Variants in PCDHAC1 observed in about 807,000 individuals in gnomAD.
PCDHAC1 encodes protocadherin alpha-C1.
A neutral mutation model predicts 60.0 loss-of-function variants in PCDHAC1; 42 were observed. That is an observed-to-expected ratio of 0.70 (90% CI 0.55 to 0.90). The LOEUF (loss-of-function observed/expected upper bound fraction) is 0.90. Ranked by LOEUF, PCDHAC1 falls within the 40% of genes least tolerant of loss-of-function variation. The pLI, the probability that PCDHAC1 is intolerant of heterozygous loss-of-function variation, is 0.00. For synonymous variants in PCDHAC1, 468 were observed against 499.3 expected, an observed-to-expected ratio of 0.94 and a Z score of 0.84; for missense variants, 1,160 against 1,222.3, an observed-to-expected ratio of 0.95 and a Z score of 0.76.
chr5:140,995,184 T>G (rs1382886542), intron 3 of PCDHAC1, among the ~76,000 whole-genome samples: 3 of 152,168 alleles, frequency 2.0e-5, no homozygotes, highest in African/African-American at 7.2e-5. Flanking sequence ...GCACCTATGA[T>G]AAAGTTTAAT....
At chr5:140,991,919 A>T (rs185947527) in intron 3 of PCDHAC1, among the ~76,000 whole-genome samples, 96 of 152,274 alleles carry the variant, frequency 6.3e-4, no homozygotes, top group Admixed American at 1.2e-3. Flanking sequence ...GCCATGTAAC[A>T]TAACATATTC....
intron 1 of PCDHAC1, among the ~76,000 whole-genome samples, chr5:140,956,900 A>C (rs1004581720): frequency 6.6e-6 from 1 of 152,240 alleles, no homozygotes; most frequent in East Asian, 1.9e-4. Context: ...GAATATTCTT[A>C]AATGTATAAA....
chr5:141,002,673 C>T (rs2098090242), intron 3 of PCDHAC1, among the ~76,000 whole-genome samples: 3 of 152,180 alleles, frequency 2.0e-5, no homozygotes, highest in Admixed American at 2.0e-4. Context: ...GGACCAAAAC[C>T]TATACGACGT....
intron 3 of PCDHAC1, among the ~76,000 whole-genome samples, chr5:140,985,544 G>T (rs1426303468): frequency 6.6e-6 from 1 of 152,108 alleles, no homozygotes; most frequent in Non-Finnish European, 1.5e-5. Flanking sequence ...TGAAGATGCA[G>T]TTGCTTCCAA....
chr5:140,977,032 A>G (rs1488885995), intron 1 of PCDHAC1, among the ~76,000 whole-genome samples: 3 of 152,212 alleles, frequency 2.0e-5, no homozygotes, highest in African/African-American at 7.2e-5. Flanking sequence ...TGAATCTAAG[A>G]AGGATGTTGT....
intron 3 of PCDHAC1, among the ~76,000 whole-genome samples, chr5:141,007,707 C>T (rs1027610738): frequency 6.6e-6 from 1 of 152,172 alleles, no homozygotes; most frequent in Non-Finnish European, 1.5e-5. Context: ...CCTCTGCCTC[C>T]CACCACCAGG....
intron 3 of PCDHAC1, among the ~76,000 whole-genome samples, chr5:140,995,648 G>A (rs548703031): frequency 1.3e-5 from 2 of 152,248 alleles, no homozygotes; most frequent in South Asian, 2.1e-4. Flanking sequence ...TAGAAAAGGA[G>A]AATCGAAAAG....
At chr5:140,969,450 G>A (rs1554231822) in intron 1 of PCDHAC1, 4 of 1,511,552 alleles carry the variant, frequency 2.6e-6, no homozygotes, top group Non-Finnish European at 3.6e-6. Flanking sequence ...GGTAAACTGA[G>A]TATATATAGT....
intron 1 of PCDHAC1, among the ~76,000 whole-genome samples, chr5:140,959,421 TTTG>T (rs1393541693): frequency 6.6e-6 from 1 of 152,102 alleles, no homozygotes; most frequent in East Asian, 1.9e-4. Flanking sequence ...GATCTGAGAA[TTTG>T]TGTATTTTTT....
At chr5:140,989,174 G>T (rs1305141291) in intron 3 of PCDHAC1, among the ~76,000 whole-genome samples, 3 of 152,132 alleles carry the variant, frequency 2.0e-5, no homozygotes, top group Non-Finnish European at 4.4e-5. Flanking sequence ...TAAAACAGGA[G>T]AGTTTCTGAA....
At position 141,011,042 on chromosome 5, in the gene PCDHAC1, T is replaced by G. The variant is rs915588789; in HGVS notation, c.*1105T>G. 6.5e-6 allele frequency: 1 copy of G among 153,796 alleles called. No individual in the cohort carries two copies. The highest frequency in any genetic ancestry group is 2.4e-5 in the African/African-American group (1 of 41,464). The allele number at this position is 153,796 out of a possible 1,614,324, so 9.5% of individuals were successfully genotyped here. A position where few individuals can be genotyped will look rare whatever the true frequency, so the allele number is the denominator to read the frequency against. On this transcript the variant is annotated 3_prime_UTR_variant, in exon 4 of 4. Transcript: ENST00000253807. ...TCACAGCTTTACTCTTTCAGGTCACTCTGGGGCTGCCTCTTGCATGTATTA... is the reference window on the plus strand; with the variant it reads ...TCACAGCTTTACTCTTTCAGGTCACGCTGGGGCTGCCTCTTGCATGTATTA...
intron 1 of PCDHAC1, among the ~76,000 whole-genome samples, chr5:140,951,667 C>T (rs180768474): frequency 6.6e-6 from 1 of 152,156 alleles, no homozygotes; most frequent in African/African-American, 2.4e-5. Context: ...GGCCTGCCTA[C>T]AAAATTGGGG....
chr5:140,951,046 TA>T (rs1414168325), intron 1 of PCDHAC1, among the ~76,000 whole-genome samples: 1 of 152,138 alleles, frequency 6.6e-6, no homozygotes, highest in Non-Finnish European at 1.5e-5. Context: ...ATTATATTTT[TA>T]TTGCTAAAAT....
intron 1 of PCDHAC1, among the ~76,000 whole-genome samples, chr5:140,941,983 A>G (rs2093212614): frequency 6.6e-6 from 1 of 152,198 alleles, no homozygotes; most frequent in Non-Finnish European, 1.5e-5. Context: ...CTAAACCTTG[A>G]TAAGGGATTC....
chr5:140,969,630 A>G (rs1185557414), intron 1 of PCDHAC1: 1 of 654,766 alleles, frequency 1.5e-6, no homozygotes, highest in Non-Finnish European at 2.5e-6. Flanking sequence ...GAAACAGGAC[A>G]GGCCTTGGAA....
In PCDHAC1 at chr5:140,968,167, A is replaced by G. The variant is rs782252124; in HGVS notation, c.2434-10782A>G. 1.3e-4 allele frequency: 217 copies of G among 1,613,958 alleles called. 1 individual carries two copies. The highest frequency in any genetic ancestry group is 9.3e-6 in the Non-Finnish European group (11 of 1,180,038). On this transcript the variant is annotated intron_variant, in intron 1 of 3. Transcript: ENST00000253807. ...TCTCTGACATCAATGACAATCCACC[A>G]AGCTTCCTGGAGGACTCCTATTCCA...
At chr5:141,004,679 TG>T in intron 3 of PCDHAC1, among the ~76,000 whole-genome samples, 1 of 152,160 alleles carries the variant, frequency 6.6e-6, no homozygotes, top group South Asian at 2.1e-4. Context: ...GACTGTGGAG[TG>T]GTGCTGAAAC....
intron 3 of PCDHAC1, among the ~76,000 whole-genome samples, chr5:140,985,740 T>C (rs992695405): frequency 1.9e-5 from 1 of 53,688 alleles, no homozygotes; most frequent in Admixed American, 1.9e-4. Context: ...GATGAATTCC[T>C]TTTTTTTTTT....
chr5:140,984,641 C>T (rs2153834832), intron 3 of PCDHAC1, among the ~76,000 whole-genome samples: 1 of 152,276 alleles, frequency 6.6e-6, no homozygotes, highest in South Asian at 2.1e-4. Context: ...TCTCTGCCTT[C>T]TCCCTGTCCT....
Sources: gnomAD v4.1 joint callset for allele counts (sites outside exome capture counted in the v4.1 genomes callset) on GRCh38, gnomAD v4.1.1 for gene constraint, MANE v1.5 for transcripts, NCBI Gene and HGNC (gene_info 2026-07-23, HGNC 2026-07-21) for gene names.